ADAMTS20: variants seen among roughly 807,000 people sequenced by gnomAD.
The protein encoded by ADAMTS20 is A disintegrin and metalloproteinase with thrombospondin motifs 20.
In ADAMTS20, 225 loss-of-function variants were observed where a neutral mutation model predicts 260.1. The observed-to-expected ratio is 0.87, with a 90% CI of 0.78 to 0.97. ADAMTS20 has a LOEUF of 0.97. Among genes scored for constraint, ADAMTS20 ranks in the 50% least tolerant of loss-of-function variants. The pLI, the probability that ADAMTS20 is intolerant of heterozygous loss-of-function variation, is 0.00. For missense variants in ADAMTS20, 2,400 were observed against 2,337.7 expected, an observed-to-expected ratio of 1.03 and a Z score of -0.55; for synonymous variants, 802 against 769.5, an observed-to-expected ratio of 1.04 and a Z score of -0.70.
rs202111786 is a variant in ADAMTS20 at position 43,476,187 on chromosome 12, A to T, written c.1118-7482T>A. 1.2e-3 allele frequency among the ~76,000 whole-genome samples: 65 copies of T among 54,520 alleles called. 15 individuals are homozygous for T. Among genetic ancestry groups the T allele is most frequent in the African/African-American group, 4.6e-3 (63 of 13,752 alleles). 35.8% of individuals were successfully genotyped at this position (54,520 alleles called of 152,430 possible). The stretch of plus-strand genomic sequence containing the variant: ...ACCCCATCAAAAAGTGGGCAAAGGA[A>T]ATGAACAGACACTTCTCAAAAGAAG... On this transcript the variant is annotated intron_variant, in intron 7 of 38. Coordinates refer to ENST00000389420, the MANE Select transcript of ADAMTS20 (RefSeq NM_025003.5).
rs928709729 is a variant in ADAMTS20 at position 43,397,164 on chromosome 12, A to T, written c.4452+1902T>A. 2.0e-5 allele frequency among the ~76,000 whole-genome samples: 3 copies of T among 152,228 alleles called. No individual in the cohort carries two copies. In the South Asian group the frequency reaches 6.2e-4, roughly 31 times the overall value. On this transcript the variant is annotated intron_variant, in intron 29 of 38. Coordinates refer to ENST00000389420, the MANE Select transcript of ADAMTS20 (RefSeq NM_025003.5). ...TTTAAGAGATGGTGAGTATTTTTGC[A>T]ATTAGATCACAGTATTCAAAGTAAG...
chr12:43,454,032 A>G lies in ADAMTS20; in HGVS notation c.1635T>C (p.Cys545=). 7 of 1,613,732 alleles carry G rather than the reference A, an allele frequency of 4.3e-6. No individual in the cohort carries two copies. Among genetic ancestry groups the G allele is most frequent in the Non-Finnish European group, 5.1e-6 (6 of 1,179,772 alleles). ...GACGTGTTTCCGTTTCTTTGTTTACACATAGCCCATGACGGCAATGCTATA... is the reference window on the plus strand; with the variant it reads ...GACGTGTTTCCGTTTCTTTGTTTACGCATAGCCCATGACGGCAATGCTATA... ...GPGMHCRHGL[C]VNKETETRPV... Residue 545 remains cysteine (C), a synonymous_variant, in exon 12 of 39, where the codon TGT becomes TGC. Coordinates refer to ENST00000389420, the MANE Select transcript of ADAMTS20 (RefSeq NM_025003.5).
intron 3 of ADAMTS20, among the ~76,000 whole-genome samples, chr12:43,526,214 G>C (rs557962032): frequency 6.6e-6 from 1 of 152,184 alleles, no homozygotes; most frequent in East Asian, 1.9e-4. Flanking sequence ...CCAGCACTAC[G>C]GGAGGCCGAG....
intron 7 of ADAMTS20, among the ~76,000 whole-genome samples, chr12:43,475,643 G>C (rs567298610): frequency 1.3e-5 from 2 of 151,618 alleles, no homozygotes; most frequent in Non-Finnish European, 2.9e-5. Flanking sequence ...TACCAAAACA[G>C]AGATATAGAT....
intron 26 of ADAMTS20, among the ~76,000 whole-genome samples, chr12:43,427,912 C>A (rs1215364511): frequency 1.3e-5 from 2 of 152,060 alleles, no homozygotes; most frequent in East Asian, 1.9e-4. Context: ...GTATTGCTAT[C>A]ATAATAATTT....
At chr12:43,416,498 T>A (rs1043640375) in intron 28 of ADAMTS20, among the ~76,000 whole-genome samples, 1 of 151,992 alleles carries the variant, frequency 6.6e-6, no homozygotes, top group Non-Finnish European at 1.5e-5. Context: ...CAAACTGGCT[T>A]GTCATTACAA....
chr12:43,371,834 C>T (rs1940115238), intron 36 of ADAMTS20, among the ~76,000 whole-genome samples: 1 of 152,054 alleles, frequency 6.6e-6, no homozygotes, highest in Non-Finnish European at 1.5e-5. Flanking sequence ...ACAATTTTGT[C>T]CATAACAGCA....
At chr12:43,414,117 AT>A (rs1384289988) in intron 28 of ADAMTS20, among the ~76,000 whole-genome samples, 1 of 152,176 alleles carries the variant, frequency 6.6e-6, no homozygotes, top group African/African-American at 2.4e-5. Context: ...GGGATTTAAC[AT>A]TTTTTAAAAG....
intron 37 of ADAMTS20, among the ~76,000 whole-genome samples, chr12:43,359,395 C>T (rs1282738918): frequency 6.6e-6 from 1 of 152,156 alleles, no homozygotes; most frequent in Non-Finnish European, 1.5e-5. Flanking sequence ...TTATGTTTTA[C>T]AGTTTTTAAA....
chr12:43,434,797 C>T (rs77470959), intron 18 of ADAMTS20, among the ~76,000 whole-genome samples: 1 of 152,280 alleles, frequency 6.6e-6, no homozygotes, highest in East Asian at 1.9e-4. Context: ...ATAGTAACTT[C>T]CTGTAGGGGA....
Position 43,440,056 on chromosome 12 carries a change from A to C in ADAMTS20, c.2304T>G (p.Ala768=), listed in dbSNP as rs984653949. 6.4e-7 allele frequency: 1 copy of C among 1,555,296 alleles called. No individual in the cohort carries two copies. Among genetic ancestry groups the C allele is most frequent in the Non-Finnish European group, 8.7e-7 (1 of 1,149,322 alleles). ...PDDSYLALSD[A]EGNFLFNGNF... ...TTCCATTGAAAAGAAAATTCCCTTCAGCGTCAGATAATGCTGTAAAAGAAT... is the reference window on the plus strand; with the variant it reads ...TTCCATTGAAAAGAAAATTCCCTTCCGCGTCAGATAATGCTGTAAAAGAAT... The change falls in exon 17 of 39, where the codon GCT becomes GCG. Residue 768 remains alanine, a synonymous_variant. Coordinates refer to ENST00000389420, the MANE Select transcript of ADAMTS20 (RefSeq NM_025003.5).
At chr12:43,480,951 T>C (rs1320591056) in intron 7 of ADAMTS20, among the ~76,000 whole-genome samples, 2 of 152,086 alleles carry the variant, frequency 1.3e-5, no homozygotes, top group Non-Finnish European at 2.9e-5. Context: ...ACTAAGAAAG[T>C]ATGTTTCAGA....
At chr12:43,498,610 G>C (rs76879615) in intron 4 of ADAMTS20, among the ~76,000 whole-genome samples, 12 of 152,190 alleles carry the variant, frequency 7.9e-5, no homozygotes, top group African/African-American at 2.9e-4. Flanking sequence ...ACTGGAAAAA[G>C]TATGCAAAAC....
intron 18 of ADAMTS20, among the ~76,000 whole-genome samples, chr12:43,436,693 G>A (rs1312800291): frequency 6.6e-6 from 1 of 152,068 alleles, no homozygotes; most frequent in African/African-American, 2.4e-5. Context: ...GCTGAGAAAA[G>A]CTGGGAACAC....
At chr12:43,472,630 C>A (rs201748477) in intron 7 of ADAMTS20, among the ~76,000 whole-genome samples, 2 of 130,206 alleles carry the variant, frequency 1.5e-5, no homozygotes, top group African/African-American at 3.0e-5. Context: ...AGACTAACAG[C>A]GGATCTCTCG....
At chr12:43,524,910 G>T (rs1943120966) in intron 3 of ADAMTS20, among the ~76,000 whole-genome samples, 1 of 152,124 alleles carries the variant, frequency 6.6e-6, no homozygotes, top group Admixed American at 6.5e-5. Flanking sequence ...AAGAATAAAT[G>T]GTGTTTATGA....
At chr12:43,406,799 G>A (rs930761433) in intron 28 of ADAMTS20, among the ~76,000 whole-genome samples, 3 of 152,096 alleles carry the variant, frequency 2.0e-5, no homozygotes, top group Admixed American at 6.5e-5. Context: ...TTTTTAAACT[G>A]AGCGTCTCAA....
At chr12:43,474,463 G>A (rs1166159770) in intron 7 of ADAMTS20, among the ~76,000 whole-genome samples, 1 of 148,678 alleles carries the variant, frequency 6.7e-6, no homozygotes, top group African/African-American at 2.5e-5. Flanking sequence ...AATAGAAAAA[G>A]AGGGAATCCT....
intron 4 of ADAMTS20, among the ~76,000 whole-genome samples, chr12:43,498,122 A>T (rs1223040909): frequency 5.3e-5 from 8 of 152,160 alleles, no homozygotes. Context: ...TAACACAAAC[A>T]CTATTTCACT....
Sources: gnomAD v4.1 joint callset for allele counts (sites outside exome capture counted in the v4.1 genomes callset) on GRCh38, gnomAD v4.1.1 for gene constraint, MANE v1.5 for transcripts, NCBI Gene and HGNC (gene_info 2026-07-23, HGNC 2026-07-21) for gene names.